Variants in LAMA2 observed in about 807,000 individuals in gnomAD.
LAMA2 encodes the protein laminin subunit alpha-2.
LAMA2 carries 269 observed loss-of-function variants against 364.8 expected under a neutral mutation model. The ratio of observed to expected loss-of-function variants is 0.74; its 90% CI spans 0.67 to 0.82. LAMA2 has a LOEUF of 0.82. Ranked by LOEUF, LAMA2 falls within the 40% of genes least tolerant of loss-of-function variation. LAMA2 has a pLI of 0.00. For missense variants in LAMA2, 3,807 were observed against 3,873.2 expected, an observed-to-expected ratio of 0.98 and a Z score of 0.45; for synonymous variants, 1,379 against 1,370.6, an observed-to-expected ratio of 1.01 and a Z score of -0.14.
chr6:129,477,605 T>G (rs970723990), intron 53 of LAMA2, among the ~76,000 whole-genome samples: 6 of 152,146 alleles, frequency 3.9e-5, no homozygotes, highest in African/African-American at 1.4e-4. Flanking sequence ...CCCCATTTTA[T>G]GAAGTAGTAT....
intron 47 of LAMA2, 52 bp downstream of exon 47, chr6:129,454,340 G>C: frequency 6.9e-7 from 1 of 1,458,848 alleles, no homozygotes; most frequent in Non-Finnish European, 9.5e-7. Flanking sequence ...TTTTGAAGTA[G>C]TTTCCCAGTT....
chr6:129,141,267 A>G (rs1275242822), intron 4 of LAMA2, among the ~76,000 whole-genome samples: 1 of 151,980 alleles, frequency 6.6e-6, no homozygotes, highest in Non-Finnish European at 1.5e-5. Context: ...TTCTTTTAAC[A>G]TTTAACTCTA....
chr6:129,422,765 T>C (rs1174051078), intron 40 of LAMA2, among the ~76,000 whole-genome samples: 1 of 152,024 alleles, frequency 6.6e-6, no homozygotes, highest in African/African-American at 2.4e-5. Context: ...CCACCAAATA[T>C]TTAATGAAGA....
intron 12 of LAMA2, among the ~76,000 whole-genome samples, chr6:129,225,247 G>A (rs1489028670): frequency 6.6e-6 from 1 of 152,034 alleles, no homozygotes; most frequent in African/African-American, 2.4e-5. Flanking sequence ...AGTCTTGCTA[G>A]CAGTCTATCA....
intron 33 of LAMA2, among the ~76,000 whole-genome samples, chr6:129,366,572 C>T (rs559712927): frequency 2.6e-5 from 4 of 152,120 alleles, no homozygotes; most frequent in African/African-American, 9.6e-5. Context: ...TCTCATGTAC[C>T]CCCCAGTGTC....
At chr6:129,087,999 A>T (rs7450830) in intron 3 of LAMA2, among the ~76,000 whole-genome samples, 104,054 of 124,374 alleles carry the variant, frequency 0.84, 46,197 homozygotes, top group East Asian at 0.97. Flanking sequence ...CAGATAAACA[A>T]GTGAACAAAG....
intron 10 of LAMA2, among the ~76,000 whole-genome samples, chr6:129,187,630 G>A (rs1335707170): frequency 6.6e-6 from 1 of 151,800 alleles, no homozygotes; most frequent in African/African-American, 2.4e-5. Flanking sequence ...CATACAGGAA[G>A]TATTAAATAC....
At chr6:129,261,335 C>T (rs1787113240) in intron 15 of LAMA2, among the ~76,000 whole-genome samples, 1 of 151,952 alleles carries the variant, frequency 6.6e-6, no homozygotes, top group African/African-American at 2.4e-5. Flanking sequence ...AGAAAACTGC[C>T]TACAGGTCTT....
intron 32 of LAMA2, among the ~76,000 whole-genome samples, chr6:129,365,815 A>G (rs954868704): frequency 3.3e-5 from 5 of 151,956 alleles, no homozygotes; most frequent in African/African-American, 7.3e-5. Context: ...ACACATTTAG[A>G]CTCTGGAGCA....
At chr6:129,270,518 A>G in intron 16 of LAMA2, 106 bp from the exon 17 acceptor site, 3 of 1,125,786 alleles carry the variant, frequency 2.7e-6, no homozygotes, top group South Asian at 1.3e-5. Flanking sequence ...TGGAAAAATT[A>G]TTCTTGCTGG....
intron 3 of LAMA2, among the ~76,000 whole-genome samples, chr6:129,063,367 T>C (rs1789067088): frequency 6.6e-6 from 1 of 152,172 alleles, no homozygotes; most frequent in Non-Finnish European, 1.5e-5. Flanking sequence ...TAAAACATTC[T>C]ATTTTAGTCT....
rs190943442 is a variant in LAMA2 at position 129,265,227 on chromosome 6, T to C, written c.2209-1879T>C. Among the ~76,000 whole-genome samples, 421 of 152,276 alleles carry C rather than the reference T, an allele frequency of 2.8e-3. 2 individuals carry two copies. Among genetic ancestry groups the C allele is most frequent in the African/African-American group, 9.7e-3 (402 of 41,570 alleles). ...AATATGGCAACAAGGTTTGGAGATA[T>C]ATGCTTAGATCTCTGGACTTGTTAG... On this transcript the variant is annotated intron_variant, in intron 15 of 64. Coordinates refer to ENST00000421865, the MANE Select transcript of LAMA2 (RefSeq NM_000426.4).
At chr6:129,498,638 C>T (rs1170007580) in intron 58 of LAMA2, among the ~76,000 whole-genome samples, 1 of 152,080 alleles carries the variant, frequency 6.6e-6, no homozygotes, top group Non-Finnish European at 1.5e-5. Flanking sequence ...CAAATAAGCA[C>T]CAGATGTGAT....
chr6:129,073,587 G>A (rs1773452601), intron 3 of LAMA2, among the ~76,000 whole-genome samples: 1 of 152,070 alleles, frequency 6.6e-6, no homozygotes, highest in African/African-American at 2.4e-5. Context: ...AGGTTTCTCA[G>A]TCTGTACATT....
At chr6:129,173,641 C>T (rs1780370327) in intron 9 of LAMA2, among the ~76,000 whole-genome samples, 1 of 152,084 alleles carries the variant, frequency 6.6e-6, no homozygotes, top group Non-Finnish European at 1.5e-5. Flanking sequence ...TAATTAGATA[C>T]ATATTATTTG....
intron 1 of LAMA2, among the ~76,000 whole-genome samples, chr6:129,020,831 G>A (rs2114713626): frequency 6.6e-6 from 1 of 152,256 alleles, no homozygotes; most frequent in Non-Finnish European, 1.5e-5. Flanking sequence ...GGGAGTGGAA[G>A]GCAAGTCAGA....
chr6:129,232,466 A>G (rs1410554753), intron 12 of LAMA2, among the ~76,000 whole-genome samples: 1 of 152,128 alleles, frequency 6.6e-6, no homozygotes, highest in Non-Finnish European at 1.5e-5. Context: ...GGGCCATCCT[A>G]TATCTTAGAA....
At chr6:128,980,544 A>G (rs1782799171) in intron 1 of LAMA2, among the ~76,000 whole-genome samples, 1 of 152,212 alleles carries the variant, frequency 6.6e-6, no homozygotes, top group Admixed American at 6.5e-5. Context: ...ATAATGGGTC[A>G]TATTAGGTTA....
chr6:129,276,084 A>C (rs1286446141), intron 17 of LAMA2, among the ~76,000 whole-genome samples: 3 of 152,130 alleles, frequency 2.0e-5, no homozygotes, highest in Non-Finnish European at 4.4e-5. Context: ...CGCTAACACC[A>C]AAATCATGAA....
Sources: allele counts gnomAD v4.1 joint callset (sites outside exome capture counted in the v4.1 genomes callset), GRCh38; gene constraint gnomAD v4.1.1; transcripts MANE v1.5; gene names NCBI Gene and HGNC (gene_info 2026-07-23, HGNC 2026-07-21).